TNKS: variants seen among roughly 807,000 people sequenced by gnomAD.
TNKS encodes the protein tankyrase, also known as poly [ADP-ribose] polymerase tankyrase-1.
Under a neutral mutation model 135.8 loss-of-function variants are expected in TNKS, and 72 were observed. The ratio of observed to expected loss-of-function variants is 0.53; its 90% CI spans 0.44 to 0.64. The LOEUF (loss-of-function observed/expected upper bound fraction) is 0.64. Ranked by LOEUF, TNKS falls within the 30% of genes least tolerant of loss-of-function variation. The pLI, the probability that TNKS is intolerant of heterozygous loss-of-function variation, is 0.00. For synonymous variants in TNKS, 849 were observed against 649.3 expected, an observed-to-expected ratio of 1.31 and a Z score of -4.68; for missense variants, 1,769 against 1,674.0, an observed-to-expected ratio of 1.06 and a Z score of -0.99.
intron 17 of TNKS, among the ~76,000 whole-genome samples, chr8:9,738,727 T>A (rs1211431029): frequency 1.4e-5 from 1 of 69,582 alleles, no homozygotes; most frequent in African/African-American, 6.0e-5. Context: ...AGATTCTTAA[T>A]CCTGAGTTCT....
chr8:9,657,925 G>GAT (rs1801490077), intron 3 of TNKS, among the ~76,000 whole-genome samples: 3 of 81,638 alleles, frequency 3.7e-5, no homozygotes, highest in Non-Finnish European at 5.2e-5. Context: ...CTTCTCAGAC[G>GAT]GGGCGGCCGG....
At chr8:9,563,811 C>T (rs1167037745) in intron 1 of TNKS, among the ~76,000 whole-genome samples, 2 of 151,896 alleles carry the variant, frequency 1.3e-5, no homozygotes, top group African/African-American at 2.4e-5. Flanking sequence ...TAATTGTCTG[C>T]GGGGATGTTA....
At chr8:9,718,050 A>G (rs1343481787) in intron 11 of TNKS, among the ~76,000 whole-genome samples, 1 of 152,148 alleles carries the variant, frequency 6.6e-6, no homozygotes. Flanking sequence ...GGTACAGAAA[A>G]TGGAAACAAT....
intron 26 of TNKS, among the ~76,000 whole-genome samples, chr8:9,771,271 AAG>A (rs770659023): frequency 3.5e-4 from 42 of 120,750 alleles, no homozygotes; most frequent in African/African-American, 1.1e-3. Flanking sequence ...GTGAGGGAGG[AAG>A]AGAGAGCGAG....
Position 9,720,511 on chromosome 8 carries a change from G to T in TNKS, c.1887G>T (p.Gln629His), listed in dbSNP as rs1344015048. ...CCTTACAAGGCTTCACAGCAGCACAGATGGGCAATGAAGCAGTGCAGCAGA... is the reference window on the plus strand; with the variant it reads ...CCTTACAAGGCTTCACAGCAGCACATATGGGCAATGAAGCAGTGCAGCAGA... ...IISLQGFTAA[Q>H]MGNEAVQQIL... Residue 629 changes from glutamine (Q) to histidine (H), a missense_variant, in exon 12 of 27, where the codon CAG becomes CAT. By Grantham distance (24) the Gln-to-His change is conservative (BLOSUM62 0). This residue lies in a region of TNKS where 523 missense variants were observed against 541.0 expected (regional missense o/e 0.97). Coordinates refer to ENST00000310430, the MANE Select transcript of TNKS (RefSeq NM_003747.3). The T allele has an allele frequency of 1.1e-5, 17 of 1,613,874 alleles. No homozygotes were observed. The highest frequency in any genetic ancestry group is 1.4e-5 in the Non-Finnish European group (17 of 1,179,960).
chr8:9,562,704 T>C (rs1797383743), intron 1 of TNKS, among the ~76,000 whole-genome samples: 1 of 152,162 alleles, frequency 6.6e-6, no homozygotes, highest in Non-Finnish European at 1.5e-5. Flanking sequence ...ACCTCTTCTA[T>C]GTTGCATCTG....
intron 1 of TNKS, among the ~76,000 whole-genome samples, chr8:9,572,596 A>G (rs1797797747): frequency 1.3e-5 from 2 of 152,226 alleles, no homozygotes. Flanking sequence ...CATGAAATAT[A>G]GTAAAACAGA....
chr8:9,604,664 C>G (rs1799151100), intron 2 of TNKS, among the ~76,000 whole-genome samples: 2 of 151,766 alleles, frequency 1.3e-5, no homozygotes, highest in Admixed American at 6.6e-5. Flanking sequence ...ATGAATTTAT[C>G]CTGTTGGTGC....
chr8:9,585,795 A>T (rs1480126496), intron 2 of TNKS, among the ~76,000 whole-genome samples: 1 of 152,158 alleles, frequency 6.6e-6, no homozygotes, highest in Admixed American at 6.5e-5. Flanking sequence ...GACTGAGGGG[A>T]TCCTCACTGA....
intron 13 of TNKS, among the ~76,000 whole-genome samples, chr8:9,727,443 G>T (rs1156385052): frequency 6.6e-6 from 1 of 152,000 alleles, no homozygotes; most frequent in Non-Finnish European, 1.5e-5. Flanking sequence ...GTTTTTTGTT[G>T]TTTTTTACGA....
At chr8:9,570,189 C>T (rs984582178) in intron 1 of TNKS, among the ~76,000 whole-genome samples, 2 of 151,968 alleles carry the variant, frequency 1.3e-5, no homozygotes, top group African/African-American at 2.4e-5. Flanking sequence ...CTTGTAATCC[C>T]AGCACTTTGG....
At chr8:9,593,141 G>A (rs559736378) in intron 2 of TNKS, among the ~76,000 whole-genome samples, 1 of 152,332 alleles carries the variant, frequency 6.6e-6, no homozygotes, top group East Asian at 1.9e-4. Context: ...AAAATAAGGT[G>A]ATGGTGGTAA....
At chr8:9,741,742 G>A in intron 17 of TNKS, 1 of 528,932 alleles carries the variant, frequency 1.9e-6, no homozygotes. Context: ...TTCTCTTGTG[G>A]CTCAAGCGTA....
chr8:9,719,213 C>T (rs1804750026), intron 11 of TNKS, among the ~76,000 whole-genome samples: 1 of 152,166 alleles, frequency 6.6e-6, no homozygotes, highest in Admixed American at 6.5e-5. Flanking sequence ...TGTATGAACC[C>T]TTTCCTGAGT....
chr8:9,657,260 C>T (rs1427316395), intron 3 of TNKS, among the ~76,000 whole-genome samples: 6 of 115,554 alleles, frequency 5.2e-5, no homozygotes, highest in African/African-American at 1.2e-4. Flanking sequence ...CCGACCCCCC[C>T]ACCTCCCTCC....
chr8:9,711,358 A>C (rs1175564754), intron 11 of TNKS, among the ~76,000 whole-genome samples: 11 of 152,308 alleles, frequency 7.2e-5, no homozygotes, highest in African/African-American at 2.6e-4. Context: ...GACAGTGGCA[A>C]ACTCACTTGT....
chr8:9,681,644 T>C (rs1047539584), intron 5 of TNKS, among the ~76,000 whole-genome samples: 1 of 152,186 alleles, frequency 6.6e-6, no homozygotes, highest in African/African-American at 2.4e-5. Context: ...GTCTGATATT[T>C]AGAAATGAAT....
rs868104173 is a variant in TNKS, at chr8:9,561,298, C to T, written c.673+4686C>T. Among the ~76,000 whole-genome samples, 21 of 152,294 alleles carry T rather than the reference C, an allele frequency of 1.4e-4. 1 individual carries two copies. Among genetic ancestry groups the T allele is most frequent in the African/African-American group, 4.6e-4 (19 of 41,560 alleles). On this transcript the variant is annotated intron_variant, in intron 1 of 26. Transcript: ENST00000310430. The stretch of plus-strand genomic sequence containing the variant: ...CACTGAGTTTTGACAAATGCAGATA[C>T]ATGTGTAACTGAACTTATGACTTTC...
intron 3 of TNKS, among the ~76,000 whole-genome samples, chr8:9,617,377 T>C (rs1227928221): frequency 2.6e-5 from 4 of 152,234 alleles, no homozygotes. Context: ...TTAGAGTCAT[T>C]TGTTCTTTTC....
Sources: allele counts gnomAD v4.1 joint callset (sites outside exome capture counted in the v4.1 genomes callset), GRCh38; gene constraint gnomAD v4.1.1; regional missense constraint gnomAD v4.1.1; transcripts MANE v1.5; gene names NCBI Gene and HGNC (gene_info 2026-07-23, HGNC 2026-07-21).